The following NHSL3 variants were observed in gnomAD, a reference collection of about 807,000 sequenced individuals.
The protein encoded by NHSL3 is NHS-like protein 3.
chr1:32,756,351 G>A, the NHSL3 span, among the ~76,000 whole-genome samples: 1 of 151,756 alleles, frequency 6.6e-6, no homozygotes, highest in African/African-American at 2.4e-5. Flanking sequence ...GTGAGTAAAG[G>A]CATGGAGTTG....
chr1:32,748,504 C>T, the NHSL3 span, among the ~76,000 whole-genome samples: 1 of 152,262 alleles, frequency 6.6e-6, no homozygotes, highest in Non-Finnish European at 1.5e-5. Context: ...TCCTGTGCTG[C>T]TTCTCCTGCC....
chr1:32,767,505 C>T, the NHSL3 span, among the ~76,000 whole-genome samples: 2 of 151,946 alleles, frequency 1.3e-5, no homozygotes, highest in Admixed American at 1.3e-4. Context: ...GACCTGTGTA[C>T]CTGTGTGCCC....
At chr1:32,771,276 C>A in the NHSL3 span, 1 of 1,611,852 alleles carries the variant, frequency 6.2e-7, no homozygotes, top group South Asian at 1.1e-5. Context: ...CTGTTTCTAC[C>A]ACTGACGCCA....
At chr1:32,760,513 G>T in the NHSL3 span, among the ~76,000 whole-genome samples, 2 of 151,908 alleles carry the variant, frequency 1.3e-5, no homozygotes, top group Admixed American at 6.6e-5. Flanking sequence ...CCCTGTGTGG[G>T]TCTGTGCGGT....
At chr1:32,754,182 TAGGGGCCGGGGTGGGGGCGGGGCAGGC>T in the NHSL3 span, 3 of 707,998 alleles carry the variant, frequency 4.2e-6, no homozygotes, top group East Asian at 5.4e-5. Flanking sequence ...GGCCGGCAGG[TAGGGGCCGGGGTGGGGGCGGGGCAGGC>T]AGGGAGGAGG....
At chr1:32,766,794 T>A in the NHSL3 span, among the ~76,000 whole-genome samples, 520 of 152,300 alleles carry the variant, frequency 3.4e-3, no homozygotes, top group Non-Finnish European at 5.9e-3. Flanking sequence ...GGCTGCAAAG[T>A]GCTGACACAG....
At chr1:32,767,746 G>C in the NHSL3 span, 1 of 1,557,754 alleles carries the variant, frequency 6.4e-7, no homozygotes, top group Non-Finnish European at 8.7e-7. Context: ...GCAGGGCCCA[G>C]ATGCCTTTAC....
the NHSL3 span, chr1:32,765,866 G>C: frequency 6.7e-7 from 1 of 1,495,540 alleles, no homozygotes; most frequent in African/African-American, 1.4e-5. Flanking sequence ...AGGGATGCTC[G>C]ATGCCTCCCT....
At chr1:32,748,035 A>C in the NHSL3 span, among the ~76,000 whole-genome samples, 1 of 152,174 alleles carries the variant, frequency 6.6e-6, no homozygotes, top group Non-Finnish European at 1.5e-5. Flanking sequence ...GCTTGAACCC[A>C]GGAGGCAGAG....
the NHSL3 span, among the ~76,000 whole-genome samples, chr1:32,743,186 C>T: frequency 6.6e-6 from 1 of 152,180 alleles, no homozygotes; most frequent in African/African-American, 2.4e-5. Flanking sequence ...TCCACCTTTC[C>T]TAGACTGCTG....
the NHSL3 span, chr1:32,765,952 G>C: frequency 3.4e-6 from 3 of 894,440 alleles, no homozygotes; most frequent in Non-Finnish European, 5.2e-6. Flanking sequence ...CTGATAATGA[G>C]GCCAGAATCT....
At chr1:32,772,389 A>C in the NHSL3 span, 1 of 1,565,566 alleles carries the variant, frequency 6.4e-7, no homozygotes, top group Non-Finnish European at 8.6e-7. Flanking sequence ...CGGAGAATGG[A>C]GGTGTCCTGC....
the NHSL3 span, chr1:32,771,666 C>T: frequency 1.2e-6 from 2 of 1,610,868 alleles, no homozygotes; most frequent in South Asian, 1.1e-5. Flanking sequence ...AGATTCAGCC[C>T]CCGGGTAGCC....
At chr1:32,750,144 C>T in the NHSL3 span, among the ~76,000 whole-genome samples, 4 of 152,180 alleles carry the variant, frequency 2.6e-5, no homozygotes, top group South Asian at 2.1e-4. Context: ...ACCTCTAGCC[C>T]GTTGGCAGAC....
chr1:32,766,172 G>T, the NHSL3 span, among the ~76,000 whole-genome samples: 1 of 152,104 alleles, frequency 6.6e-6, no homozygotes, highest in African/African-American at 2.4e-5. Context: ...GGGGAGGATG[G>T]GACGTGGGCG....
the NHSL3 span, among the ~76,000 whole-genome samples, chr1:32,767,484 C>T: frequency 1.3e-5 from 2 of 152,004 alleles, no homozygotes; most frequent in South Asian, 2.1e-4. Flanking sequence ...GTGCTGTGTA[C>T]GTACACAGTA....
the NHSL3 span, among the ~76,000 whole-genome samples, chr1:32,762,323 G>C: frequency 6.6e-6 from 1 of 152,132 alleles, no homozygotes; most frequent in African/African-American, 2.4e-5. Context: ...TGCTATGACA[G>C]AGAGGTGTCC....
chr1:32,742,135 C>A, the NHSL3 span: 16 of 1,245,078 alleles, frequency 1.3e-5, no homozygotes, highest in Non-Finnish European at 1.6e-5. Context: ...ACCGGCCGCC[C>A]CCCGGGCCAA....
At chr1:32,767,868 A>G in the NHSL3 span, 1 of 1,614,056 alleles carries the variant, frequency 6.2e-7, no homozygotes, top group Non-Finnish European at 8.5e-7. Flanking sequence ...GAGCACCAGG[A>G]CAACGTCTTC....
Sources: gnomAD v4.1 joint callset for allele counts (sites outside exome capture counted in the v4.1 genomes callset) on GRCh38, gnomAD v4.1.1 for gene constraint, MANE v1.5 for transcripts, NCBI Gene and HGNC (gene_info 2026-07-23, HGNC 2026-07-21) for gene names.